The following C19orf38 variants were observed in gnomAD, a reference collection of about 807,000 sequenced individuals.
C19orf38 encodes protein HIDE1.
Under a neutral mutation model 26.6 loss-of-function variants are expected in C19orf38, and 14 were observed. The observed-to-expected ratio is 0.53, with a 90% CI of 0.35 to 0.82. The LOEUF (loss-of-function observed/expected upper bound fraction) is 0.82. Among genes scored for constraint, C19orf38 ranks in the 40% least tolerant of loss-of-function variants. C19orf38 has a pLI of 0.01. For synonymous variants in C19orf38, 132 were observed against 128.5 expected (o/e 1.03, Z -0.18); for missense variants, 261 against 299.5 (o/e 0.87, Z 0.95).
At chr19:10,862,968 G>C (rs2073716471) in intron 5 of C19orf38, among the ~76,000 whole-genome samples, 1 of 152,122 alleles carries the variant, frequency 6.6e-6, no homozygotes, top group South Asian at 2.1e-4. Flanking sequence ...CCCCTAGGAA[G>C]ACTGTGTGTA....
chr19:10,859,840 G>C, intron 4 of C19orf38, 75 bp from the exon 5 acceptor site: 1 of 1,405,674 alleles, frequency 7.1e-7, no homozygotes, highest in Non-Finnish European at 9.8e-7. Flanking sequence ...TTTGGGGCCA[G>C]GGCTTTCCCG....
At chr19:10,857,304 G>A (rs1453944492) in intron 3 of C19orf38, among the ~76,000 whole-genome samples, 1 of 128,004 alleles carries the variant, frequency 7.8e-6, no homozygotes, top group Non-Finnish European at 1.6e-5. Flanking sequence ...ATATATATAT[G>A]TGTGTATATA....
At chr19:10,855,675 C>T (rs1308012322) in intron 2 of C19orf38, among the ~76,000 whole-genome samples, 1 of 152,104 alleles carries the variant, frequency 6.6e-6, no homozygotes, top group African/African-American at 2.4e-5. Flanking sequence ...ACTACAGGCA[C>T]GTGCCAGCAC....
chr19:10,843,823 T>TA (rs1426000697), upstream of C19orf38, among the ~76,000 whole-genome samples: 11 of 152,216 alleles, frequency 7.2e-5, no homozygotes, highest in East Asian at 2.1e-3. Context: ...AAAGCTGTGT[T>TA]AAGATATCAT....
At chr19:10,846,243 C>G (rs1238584499), upstream of C19orf38, among the ~76,000 whole-genome samples, 1 of 151,408 alleles carries the variant, frequency 6.6e-6, no homozygotes, top group African/African-American at 2.4e-5. Flanking sequence ...GTTGCCCAGG[C>G]TGGAGTGCAG....
intron 6 of C19orf38, among the ~76,000 whole-genome samples, chr19:10,865,933 C>A (rs1448197563): frequency 6.6e-6 from 1 of 152,014 alleles, no homozygotes; most frequent in African/African-American, 2.4e-5. Flanking sequence ...CAGCCTCAGC[C>A]TCCCGAGTAG....
At position 10,856,386 on chromosome 19, in the gene C19orf38, G is replaced by A. The variant is rs1256336759; in HGVS notation, c.433+29G>A. The A allele has an allele frequency of 2.6e-6, 4 of 1,528,860 alleles. 1 individual carries two copies. In the Middle Eastern group the frequency reaches 5.0e-4, roughly 193 times the overall value. The allele number at this position is 1,528,860 out of a possible 1,614,324, so 94.7% of individuals were successfully genotyped here. A position where few individuals can be genotyped will look rare whatever the true frequency, so the allele number is the denominator to read the frequency against. On this transcript the variant is annotated intron_variant, in intron 3 of 6. Coordinates refer to ENST00000397820, the MANE Select transcript of C19orf38 (RefSeq NM_001136482.3). The stretch of plus-strand genomic sequence containing the variant: ...ACAGCACGCAAAGCCTGGCACACAA[G>A]TTGCCAGTTGACAACTTCTGGAACG...
At chr19:10,842,985 A>T (rs1302441280) in intron 1 of C19orf38, among the ~76,000 whole-genome samples, 1 of 152,208 alleles carries the variant, frequency 6.6e-6, no homozygotes, top group African/African-American at 2.4e-5. Flanking sequence ...TGAAGGGTGA[A>T]GATGGGAGGA....
At chr19:10,844,638 G>A (rs1416014737), upstream of C19orf38, among the ~76,000 whole-genome samples, 3 of 150,928 alleles carry the variant, frequency 2.0e-5, no homozygotes. Flanking sequence ...ACAAGGTCAG[G>A]TGATCAAGAC....
At chr19:10,866,414 C>T (rs2073752454) in intron 6 of C19orf38, among the ~76,000 whole-genome samples, 3 of 133,880 alleles carry the variant, frequency 2.2e-5, no homozygotes, top group Non-Finnish European at 4.6e-5. Context: ...CCATGTTTGT[C>T]AGGCTAGTCT....
At chr19:10,846,481 A>G (rs1367945078), upstream of C19orf38, among the ~76,000 whole-genome samples, 1 of 152,172 alleles carries the variant, frequency 6.6e-6, no homozygotes, top group Non-Finnish European at 1.5e-5. Context: ...AGCTAGGAAA[A>G]GAAGAGCCAA....
In C19orf38 at chr19:10,861,207, C is replaced by T. The variant is rs1041818668; in HGVS notation, c.505+1249C>T. Reference sequence around the variant, plus strand: ...TCATTGGGTGCTTGCATATTTCATACTCATTTCCTCTGCTGAACGGCCAGC... The same window carrying T: ...TCATTGGGTGCTTGCATATTTCATATTCATTTCCTCTGCTGAACGGCCAGC... On this transcript the variant is annotated intron_variant, in intron 5 of 6. Transcript: ENST00000397820. Among the ~76,000 whole-genome samples, 7 of 152,218 alleles carry T rather than the reference C, an allele frequency of 4.6e-5. No homozygotes were observed. The East Asian group carries it at 1.3e-3, about 29-fold the overall frequency.
chr19:10,848,982 A>G (rs935600218), intron 1 of C19orf38, among the ~76,000 whole-genome samples: 3 of 151,926 alleles, frequency 2.0e-5, no homozygotes, highest in African/African-American at 7.3e-5. Context: ...ATCAGGAGAG[A>G]GATGGATCCC....
chr19:10,847,890 C>T (rs1288577213), upstream of C19orf38, among the ~76,000 whole-genome samples: 1 of 152,020 alleles, frequency 6.6e-6, no homozygotes, highest in Non-Finnish European at 1.5e-5. Flanking sequence ...CCCAGGAGTT[C>T]TCTTAGAAGG....
At chr19:10,864,260 C>T (rs568395713) in intron 6 of C19orf38, among the ~76,000 whole-genome samples, 179 of 152,156 alleles carry the variant, frequency 1.2e-3, no homozygotes, top group Non-Finnish European at 2.0e-3. Flanking sequence ...GGGGTTTCAC[C>T]ATGCTGGCCA....
upstream of C19orf38, among the ~76,000 whole-genome samples, chr19:10,843,690 TG>T (rs1484144471): frequency 1.3e-5 from 2 of 152,198 alleles, no homozygotes; most frequent in African/African-American, 4.8e-5. Flanking sequence ...CTTGAATGGA[TG>T]TTTTTTTTCG....
At chr19:10,845,903 A>G (rs987076430), upstream of C19orf38, among the ~76,000 whole-genome samples, 1 of 149,728 alleles carries the variant, frequency 6.7e-6, no homozygotes, top group African/African-American at 2.5e-5. Flanking sequence ...AAGAGGGTTT[A>G]AAGTTAATGA....
chr19:10,856,543 G>A (rs886312834), intron 3 of C19orf38, among the ~76,000 whole-genome samples, 186 bp downstream of exon 3: 4 of 151,740 alleles, frequency 2.6e-5, no homozygotes, highest in Non-Finnish European at 5.9e-5. Flanking sequence ...TCGCTCTGTC[G>A]CCCAGGCTGG....
chr19:10,854,015 T>C (rs187180157), intron 2 of C19orf38, among the ~76,000 whole-genome samples: 12 of 151,180 alleles, frequency 7.9e-5, no homozygotes, highest in Admixed American at 7.3e-4. Flanking sequence ...ATCGCACCAC[T>C]GCATTCCAGC....
Sources: allele counts gnomAD v4.1 joint callset (sites outside exome capture counted in the v4.1 genomes callset), GRCh38; gene constraint gnomAD v4.1.1; transcripts MANE v1.5; gene names NCBI Gene and HGNC (gene_info 2026-07-23, HGNC 2026-07-21).